SMC1B: variants seen among roughly 807,000 people sequenced by gnomAD.
SMC1B encodes structural maintenance of chromosomes protein 1B.
In SMC1B, 60 loss-of-function variants were observed where a neutral mutation model predicts 157.9. The observed-to-expected ratio is 0.38, with a 90% CI of 0.31 to 0.47. SMC1B has a LOEUF of 0.47. Among genes scored for constraint, SMC1B ranks in the 20% least tolerant of loss-of-function variants. The probability of loss-of-function intolerance (pLI) is 0.99; values close to 1 mark genes in which losing one functional copy is unlikely to be tolerated. For synonymous variants in SMC1B, 445 were observed against 483.0 expected (o/e 0.92, Z 1.03); for missense variants, 1,165 against 1,426.2 (o/e 0.82, Z 2.95).
At chr22:45,407,434 A>G (rs920323665) in intron 2 of SMC1B, among the ~76,000 whole-genome samples, 1 of 152,034 alleles carries the variant, frequency 6.6e-6, no homozygotes, top group African/African-American at 2.4e-5. Flanking sequence ...AGATAAATGT[A>G]TATCTGATTG....
intron 12 of SMC1B, among the ~76,000 whole-genome samples, chr22:45,375,679 A>T (rs2086877144): frequency 6.6e-6 from 1 of 152,212 alleles, no homozygotes; most frequent in African/African-American, 2.4e-5. Context: ...GCTGAATTTT[A>T]TCAAATGCCT....
intron 4 of SMC1B, among the ~76,000 whole-genome samples, chr22:45,405,553 C>T (rs2087250064): frequency 6.6e-6 from 1 of 151,854 alleles, no homozygotes; most frequent in Non-Finnish European, 1.5e-5. Context: ...AGACAAGACT[C>T]TCAGTGCAGT....
chr22:45,395,675 T>C (rs2087114721), intron 7 of SMC1B, among the ~76,000 whole-genome samples: 1 of 152,104 alleles, frequency 6.6e-6, no homozygotes, highest in Non-Finnish European at 1.5e-5. Flanking sequence ...CTGACCAACA[T>C]GGAGAAACCC....
intron 20 of SMC1B, 42 bp from the exon 21 acceptor site, chr22:45,354,174 G>A: frequency 1.4e-6 from 2 of 1,442,206 alleles, no homozygotes; most frequent in South Asian, 3.1e-5. Context: ...GACCACTGAG[G>A]AGGTTCTTTT....
chr22:45,372,534 T>C (rs1040379091), intron 12 of SMC1B, among the ~76,000 whole-genome samples: 1 of 152,088 alleles, frequency 6.6e-6, no homozygotes, highest in African/African-American at 2.4e-5. Context: ...GAATGGAAAA[T>C]GAAGAGGGGT....
Position 45,365,080 on chromosome 22 carries a change from G to A in SMC1B, c.2421-2054C>T, listed in dbSNP as rs936080008. Reference sequence around the variant, plus strand: ...TCTCGATCGCCTGACCTCGTGATCCGCCCACCTCAGCCTCCCAAAGTGCTG... The same window carrying A: ...TCTCGATCGCCTGACCTCGTGATCCACCCACCTCAGCCTCCCAAAGTGCTG... On this transcript the variant is annotated intron_variant, in intron 15 of 24. Transcript: ENST00000357450. Among the ~76,000 whole-genome samples, 11 of 151,854 alleles carry A rather than the reference G, an allele frequency of 7.2e-5. No individual in the cohort carries two copies. The East Asian group carries it at 1.4e-3, about 19-fold the overall frequency.
Position 45,354,099 on chromosome 22 carries a change from C to T in SMC1B, c.3152G>A (p.Cys1051Tyr), listed in dbSNP as rs2086645997. The change falls in exon 21 of 25, where the codon TGT becomes TAT. Residue 1051 changes from cysteine (C) to tyrosine (Y), a missense_variant. Physicochemically the swap from Cys to Tyr is radical, Grantham distance 194. Coordinates refer to ENST00000357450, the MANE Select transcript of SMC1B (RefSeq NM_148674.5). ...FEASRKEARLCRQEFEQVKKR... is the reference protein window; with the variant it reads ...FEASRKEARLYRQEFEQVKKR... ...TTTCACTTGCTCGAACTCTTGCCTA[C>T]ACAGTCTGGCTTCCTTTCTGCTGGC... The T allele has an allele frequency of 1.3e-6, 2 of 1,593,742 alleles. No individual in the cohort carries two copies. The highest frequency in any genetic ancestry group is 1.4e-5 in the African/African-American group (1 of 73,674).
Position 45,406,790 on chromosome 22 carries a change from C to T in SMC1B, c.374G>A (p.Gly125Asp), listed in dbSNP as rs2087265889. The T allele has an allele frequency of 6.3e-7, 1 of 1,596,776 alleles. No individual in the cohort carries two copies. The highest frequency in any genetic ancestry group is 1.4e-5 in the African/African-American group (1 of 73,638). ...SVYIAELEKIGIIVKAQNCLV... is the reference protein window; with the variant it reads ...SVYIAELEKIDIIVKAQNCLV... ...ACAATTTTGTGCTTTGACTATTATGCCTATCTTTTCCAACTCTGCAATGTA... is the reference window on the plus strand; with the variant it reads ...ACAATTTTGTGCTTTGACTATTATGTCTATCTTTTCCAACTCTGCAATGTA... Residue 125 changes from glycine (G) to aspartate (D), a missense_variant, in exon 3 of 25, where the codon GGC becomes GAC. Gly to Asp is a moderately conservative substitution (Grantham distance 94, BLOSUM62 -1). Transcript: ENST00000357450.
At chr22:45,412,498 CTTTTTTTTTTTTT>C (rs56894434) in intron 1 of SMC1B, among the ~76,000 whole-genome samples, 2 of 65,414 alleles carry the variant, frequency 3.1e-5, no homozygotes, top group Admixed American at 2.1e-4. Context: ...CGCGCCCAGC[CTTTTTTTTTTTTT>C]TTTTTTTTTT....
chr22:45,390,489 T>C (rs1252202901), intron 9 of SMC1B, among the ~76,000 whole-genome samples: 1 of 151,484 alleles, frequency 6.6e-6, no homozygotes, highest in African/African-American at 2.4e-5. Context: ...GGGCAGATCA[T>C]GGGGTCAAGA....
chr22:45,370,046 G>A lies in SMC1B; in HGVS notation c.2328C>T (p.Ile776=), dbSNP rs763791924. The A allele has an allele frequency of 5.7e-6, 9 of 1,569,282 alleles. No individual in the cohort carries two copies. Among genetic ancestry groups the A allele is most frequent in the Admixed American group, 5.3e-5 (3 of 56,456 alleles). ...CAATTTCTTCACAGAAGTGTTGGAAGATATCGTCTTCTACCTTTTAAATTA... is the reference window on the plus strand; with the variant it reads ...CAATTTCTTCACAGAAGTGTTGGAAAATATCGTCTTCTACCTTTTAAATTA... ...QEKIDKVEDD[I]FQHFCEEIGV... is the part of the protein sequence containing the mutation. The change falls in exon 15 of 25, where the codon ATC becomes ATT. Residue 776 remains isoleucine (I), a synonymous_variant. Transcript: ENST00000357450.
chr22:45,351,649 A>C (rs1006214967), intron 22 of SMC1B, among the ~76,000 whole-genome samples: 1 of 152,198 alleles, frequency 6.6e-6, no homozygotes, highest in African/African-American at 2.4e-5. Context: ...CCTGGGCTCC[A>C]GCAATCCTCC....
At chr22:45,385,918 C>T (rs925754963) in intron 11 of SMC1B, among the ~76,000 whole-genome samples, 2 of 152,018 alleles carry the variant, frequency 1.3e-5, no homozygotes, top group Non-Finnish European at 2.9e-5. Flanking sequence ...CTTCATGTCT[C>T]ATTAAGAAGT....
intron 1 of SMC1B, among the ~76,000 whole-genome samples, chr22:45,409,886 ATTATT>A (rs1281426795): frequency 6.6e-6 from 1 of 152,224 alleles, no homozygotes; most frequent in East Asian, 1.9e-4. Flanking sequence ...ATTCTGGAAT[ATTATT>A]TTATAATTTC....
chr22:45,404,885 C>G (rs1386340290), intron 4 of SMC1B, among the ~76,000 whole-genome samples: 1 of 152,156 alleles, frequency 6.6e-6, no homozygotes, highest in East Asian at 1.9e-4. Context: ...TAAATCTCTT[C>G]AAATATTTTA....
At chr22:45,377,562 C>T (rs35595953) in intron 12 of SMC1B, among the ~76,000 whole-genome samples, 4,872 of 151,214 alleles carry the variant, frequency 0.032, 108 homozygotes, top group Non-Finnish European at 0.05. Flanking sequence ...TGCTTGAACC[C>T]GGGAGGCAGA....
chr22:45,366,152 T>G (rs1470680682), intron 15 of SMC1B, among the ~76,000 whole-genome samples: 1 of 152,182 alleles, frequency 6.6e-6, no homozygotes, highest in Non-Finnish European at 1.5e-5. Context: ...ACCTCCTGAG[T>G]AGCTGGGACT....
At chr22:45,345,678 C>T (rs1263101217) in intron 23 of SMC1B, 109 bp from the exon 24 acceptor site, 8 of 640,452 alleles carry the variant, frequency 1.2e-5, no homozygotes, top group Non-Finnish European at 2.3e-5. Context: ...GTGACAAGGA[C>T]TTATCCACCT....
chr22:45,394,231 AG>A (rs1357249225), intron 8 of SMC1B, among the ~76,000 whole-genome samples: 1 of 152,048 alleles, frequency 6.6e-6, no homozygotes, highest in Non-Finnish European at 1.5e-5. Context: ...GGGCTGAGGT[AG>A]GTGGATCACT....
Sources: gnomAD v4.1 joint callset for allele counts (sites outside exome capture counted in the v4.1 genomes callset) on GRCh38, gnomAD v4.1.1 for gene constraint, MANE v1.5 for transcripts, NCBI Gene and HGNC (gene_info 2026-07-23, HGNC 2026-07-21) for gene names.